Variants in DPYD observed in about 807,000 individuals in gnomAD.
DPYD encodes the protein dihydropyrimidine dehydrogenase [NADP(+)].
In DPYD, 109 loss-of-function variants were observed where a neutral mutation model predicts 116.2. The ratio of observed to expected loss-of-function variants is 0.94; its 90% confidence interval spans 0.80 to 1.10. DPYD has a LOEUF of 1.10. Among genes scored for constraint, DPYD ranks in the 50% least tolerant of loss-of-function variants. The pLI, the probability that DPYD is intolerant of heterozygous loss-of-function variation, is 0.00. For synonymous variants in DPYD, 440 were observed against 432.0 expected, an observed-to-expected ratio of 1.02 and a Z score of -0.23; for missense variants, 1,302 against 1,254.5, an observed-to-expected ratio of 1.04 and a Z score of -0.57.
At chr1:97,742,197 G>C (rs751259493) in intron 3 of DPYD, among the ~76,000 whole-genome samples, 63 of 152,044 alleles carry the variant, frequency 4.1e-4, no homozygotes, top group Non-Finnish European at 6.5e-4. Context: ...TGACAAAGGT[G>C]ACTAGCTAGT....
At chr1:97,645,382 T>C (rs1658197769) in intron 8 of DPYD, among the ~76,000 whole-genome samples, 1 of 152,108 alleles carries the variant, frequency 6.6e-6, no homozygotes, top group Non-Finnish European at 1.5e-5. Context: ...TCTTCAAAAG[T>C]TTAGAAGTCA....
chr1:97,620,507 C>G (rs1422733622), intron 8 of DPYD, among the ~76,000 whole-genome samples: 2 of 152,140 alleles, frequency 1.3e-5, no homozygotes, highest in African/African-American at 4.8e-5. Context: ...TGAGCCAAGG[C>G]ACCCACTCTC....
chr1:97,250,372 C>T (rs192407259), intron 18 of DPYD, among the ~76,000 whole-genome samples: 119 of 152,214 alleles, frequency 7.8e-4, no homozygotes, highest in Non-Finnish European at 1.1e-3. Flanking sequence ...TCCTATCACC[C>T]AGCAATTTCT....
At chr1:97,337,021 G>C (rs1161506342) in intron 16 of DPYD, among the ~76,000 whole-genome samples, 1 of 152,172 alleles carries the variant, frequency 6.6e-6, no homozygotes, top group African/African-American at 2.4e-5. Flanking sequence ...TTTGAGCAGA[G>C]TAGGAGAAAG....
intron 21 of DPYD, among the ~76,000 whole-genome samples, chr1:97,087,757 G>A (rs919206530): frequency 1.3e-5 from 2 of 152,064 alleles, no homozygotes; most frequent in African/African-American, 2.4e-5. Flanking sequence ...AATATCCTTA[G>A]GTATCTTAGG....
intron 2 of DPYD, among the ~76,000 whole-genome samples, chr1:97,850,585 T>A (rs562802457): frequency 4.4e-5 from 3 of 67,874 alleles, no homozygotes; most frequent in Non-Finnish European, 7.2e-5. Context: ...AATATCAGCC[T>A]CAGAATGCCA....
intron 19 of DPYD, among the ~76,000 whole-genome samples, chr1:97,219,239 G>A (rs1224587954): frequency 6.6e-6 from 1 of 152,180 alleles, no homozygotes; most frequent in African/African-American, 2.4e-5. Flanking sequence ...AGAGGTAGAT[G>A]CTTTTGAGGG....
chr1:97,148,511 A>G (rs1213597087), intron 20 of DPYD, among the ~76,000 whole-genome samples: 2 of 152,200 alleles, frequency 1.3e-5, no homozygotes, highest in African/African-American at 4.8e-5. Flanking sequence ...TATTTTAATT[A>G]TAGATCTATT....
chr1:97,712,853 A>G (rs747974148), intron 5 of DPYD, among the ~76,000 whole-genome samples: 5 of 152,096 alleles, frequency 3.3e-5, no homozygotes, highest in Non-Finnish European at 7.4e-5. Flanking sequence ...TCAGCTCTGT[A>G]CAGCAGTTGC....
In DPYD at chr1:97,699,520, T is replaced by A. The variant is rs1661478140; in HGVS notation, c.511A>T (p.Ile171Phe). The A allele has an allele frequency of 2.5e-6, 4 of 1,613,554 alleles. No homozygotes were observed. The highest frequency in any genetic ancestry group is 3.4e-6 in the Non-Finnish European group (4 of 1,179,586). Reference protein sequence around the residue: ...EVFKAMSIPQIRNPSLPPPEK... With the variant: ...EVFKAMSIPQFRNPSLPPPEK... ...GGGGGAGGCAGCGAAGGATTTCTGA[T>A]CTGTGGGATACTCATTGCTTTGAAT... The change falls in exon 6 of 23, where the codon ATC becomes TTC. Residue 171 changes from isoleucine (I) to phenylalanine (F), a missense_variant. Coordinates refer to ENST00000370192, the MANE Select transcript of DPYD (RefSeq NM_000110.4).
At chr1:97,650,521 A>C (rs1658520778) in intron 8 of DPYD, among the ~76,000 whole-genome samples, 1 of 152,164 alleles carries the variant, frequency 6.6e-6, no homozygotes, top group Non-Finnish European at 1.5e-5. Context: ...AATTTTAAAA[A>C]AGACATGTTT....
At chr1:97,557,920 T>A (rs1010837944) in intron 11 of DPYD, among the ~76,000 whole-genome samples, 1 of 152,204 alleles carries the variant, frequency 6.6e-6, no homozygotes, top group Non-Finnish European at 1.5e-5. Context: ...TCATCCTCAA[T>A]AAAGCCAAGA....
At chr1:97,358,155 C>T (rs975514785) in intron 16 of DPYD, among the ~76,000 whole-genome samples, 8 of 152,222 alleles carry the variant, frequency 5.3e-5, no homozygotes, top group South Asian at 4.1e-4. Context: ...TTATATCCTG[C>T]GCCTGGCTCA....
At chr1:97,595,488 T>C (rs189628557) in intron 8 of DPYD, among the ~76,000 whole-genome samples, 51 of 151,888 alleles carry the variant, frequency 3.4e-4, no homozygotes, top group Non-Finnish European at 6.3e-4. Context: ...CCTCATATCA[T>C]AAATAAGTCA....
chr1:97,629,023 G>T (rs1038580922), intron 8 of DPYD, among the ~76,000 whole-genome samples: 1 of 152,032 alleles, frequency 6.6e-6, no homozygotes, highest in East Asian at 1.9e-4. Flanking sequence ...AGCAGGACTA[G>T]GTGAGTCCCT....
chr1:97,416,455 T>A (rs1674296270), intron 14 of DPYD, among the ~76,000 whole-genome samples: 1 of 152,234 alleles, frequency 6.6e-6, no homozygotes, highest in South Asian at 2.1e-4. Flanking sequence ...CCATTAGATA[T>A]CAAATGTTTG....
chr1:97,514,599 G>C (rs1648061361), intron 13 of DPYD, among the ~76,000 whole-genome samples: 1 of 151,726 alleles, frequency 6.6e-6, no homozygotes, highest in African/African-American at 2.4e-5. Context: ...GCTGAATCTA[G>C]TATATTCTGT....
intron 14 of DPYD, among the ~76,000 whole-genome samples, chr1:97,394,765 C>A (rs7540201): frequency 0.26 from 39,035 of 151,840 alleles, 5,244 homozygotes; most frequent in South Asian, 0.43. Flanking sequence ...AAATTGATTT[C>A]AAAATCCAAG....
chr1:97,696,841 A>C (rs1187045298), intron 6 of DPYD, among the ~76,000 whole-genome samples: 1 of 152,144 alleles, frequency 6.6e-6, no homozygotes, highest in African/African-American at 2.4e-5. Context: ...CATTCTCAAA[A>C]TATTTCCTAT....
Sources: allele counts gnomAD v4.1 joint callset (sites outside exome capture counted in the v4.1 genomes callset), GRCh38; gene constraint gnomAD v4.1.1; transcripts MANE v1.5; gene names NCBI Gene and HGNC (gene_info 2026-07-23, HGNC 2026-07-21).